The following RBPJ variants were observed in gnomAD, a reference collection of about 807,000 sequenced individuals.
RBPJ encodes recombination signal binding protein for immunoglobulin kappa J region.
A neutral mutation model predicts 67.8 loss-of-function variants in RBPJ; 9 were observed. The observed-to-expected ratio is 0.13, with a 90% CI of 0.08 to 0.23. The LOEUF is 0.23. Ranked by LOEUF, RBPJ falls within the 10% of genes least tolerant of loss-of-function variation. The pLI is 1.00. For synonymous variants in RBPJ, 198 were observed against 203.3 expected (o/e 0.97, Z 0.22); for missense variants, 305 against 595.6 (o/e 0.51, Z 5.08).
At chr4:26,195,123 C>A (rs1053495991) in intron 1 of RBPJ, among the ~76,000 whole-genome samples, 7 of 152,202 alleles carry the variant, frequency 4.6e-5, no homozygotes, top group Non-Finnish European at 7.3e-5. Flanking sequence ...GTAATCCCAA[C>A]ACTGGGAGGT....
At chr4:26,119,056 T>G in the RBPJ span, among the ~76,000 whole-genome samples, 3 of 152,220 alleles carry the variant, frequency 2.0e-5, no homozygotes, top group African/African-American at 7.2e-5. Flanking sequence ...ATTGCATTGA[T>G]CCGGGTCTCA....
At chr4:26,183,543 T>C (rs1432531861) in intron 1 of RBPJ, among the ~76,000 whole-genome samples, 2 of 152,240 alleles carry the variant, frequency 1.3e-5, no homozygotes, top group African/African-American at 2.4e-5. Context: ...TTCAGTTCTT[T>C]TGATGCTCCC....
At chr4:26,349,237 T>C (rs1303627068) in intron 1 of RBPJ, among the ~76,000 whole-genome samples, 1 of 151,896 alleles carries the variant, frequency 6.6e-6, no homozygotes, top group Non-Finnish European at 1.5e-5. Context: ...CTGGATAATG[T>C]TTTTAAAATT....
At chr4:26,151,861 G>C in the RBPJ span, among the ~76,000 whole-genome samples, 395 of 152,296 alleles carry the variant, frequency 2.6e-3, 3 homozygotes, top group African/African-American at 9.3e-3. Flanking sequence ...CTCCTGTCTG[G>C]AAAAGGTGGG....
At chr4:26,218,821 G>T (rs914699529) in intron 1 of RBPJ, among the ~76,000 whole-genome samples, 1 of 152,142 alleles carries the variant, frequency 6.6e-6, no homozygotes, top group Non-Finnish European at 1.5e-5. Context: ...GGTGGGGCAG[G>T]GAGGGCACAG....
chr4:26,134,401 TG>T, the RBPJ span, among the ~76,000 whole-genome samples: 134 of 152,362 alleles, frequency 8.8e-4, 1 homozygote, highest in Non-Finnish European at 8.1e-4. Flanking sequence ...TATTAAACCC[TG>T]GCTGGGACAC....
chr4:26,386,276 A>G (rs1560312865), intron 1 of RBPJ, 77 bp from the exon 2 acceptor site: 3 of 965,492 alleles, frequency 3.1e-6, no homozygotes, highest in East Asian at 2.5e-5. Context: ...AAGAGATTTT[A>G]TGATGCCTGA....
At chr4:26,353,689 A>C (rs1727044241) in intron 1 of RBPJ, among the ~76,000 whole-genome samples, 1 of 150,674 alleles carries the variant, frequency 6.6e-6, no homozygotes, top group African/African-American at 2.5e-5. Flanking sequence ...GCTCACTGCA[A>C]CCTCTGCCTC....
At chr4:26,308,268 T>G (rs1329601147) in intron 1 of RBPJ, among the ~76,000 whole-genome samples, 1 of 150,816 alleles carries the variant, frequency 6.6e-6, no homozygotes, top group Non-Finnish European at 1.5e-5. Context: ...AGAGCAAGAC[T>G]CCATCTCAAA....
At chr4:26,366,835 AT>A (rs1374545459) in intron 1 of RBPJ, among the ~76,000 whole-genome samples, 1 of 152,146 alleles carries the variant, frequency 6.6e-6, no homozygotes, top group Admixed American at 6.5e-5. Context: ...TTAAAAAAAA[AT>A]ACAAATAGGC....
intron 1 of RBPJ, among the ~76,000 whole-genome samples, chr4:26,369,885 TCTC>T (rs1223768263): frequency 3.3e-5 from 5 of 152,160 alleles, no homozygotes; most frequent in Non-Finnish European, 7.4e-5. Flanking sequence ...TTCTCTCTCT[TCTC>T]CTCCCATTCC....
At chr4:26,267,265 G>A (rs1234377480) in intron 1 of RBPJ, among the ~76,000 whole-genome samples, 1 of 152,160 alleles carries the variant, frequency 6.6e-6, no homozygotes, top group East Asian at 1.9e-4. Context: ...GCTTGGAGAT[G>A]GGACAAGGCT....
chr4:26,227,529 A>G (rs1719117727), intron 1 of RBPJ, among the ~76,000 whole-genome samples: 1 of 152,156 alleles, frequency 6.6e-6, no homozygotes, highest in Non-Finnish European at 1.5e-5. Context: ...GGGACTCTAT[A>G]TGAAGATCTA....
chr4:26,142,311 G>A, the RBPJ span, among the ~76,000 whole-genome samples: 1 of 152,218 alleles, frequency 6.6e-6, no homozygotes, highest in African/African-American at 2.4e-5. Flanking sequence ...CATAGCCCAG[G>A]ATGATATGCC....
At chr4:26,289,384 C>CAAAAAAAAA (rs60159669) in intron 1 of RBPJ, among the ~76,000 whole-genome samples, 20 of 78,294 alleles carry the variant, frequency 2.6e-4, no homozygotes, top group Non-Finnish European at 2.9e-4. Context: ...GACTTGGTCT[C>CAAAAAAAAA]AAAAAAAAAA....
intron 1 of RBPJ, among the ~76,000 whole-genome samples, chr4:26,178,453 T>G (rs1367918457): frequency 6.6e-6 from 1 of 151,888 alleles, no homozygotes; most frequent in Non-Finnish European, 1.5e-5. Context: ...CAAAAATTTT[T>G]TTTAATTAGC....
chr4:26,289,338 T>C (rs558181844), intron 1 of RBPJ, among the ~76,000 whole-genome samples: 2 of 124,414 alleles, frequency 1.6e-5, no homozygotes, highest in South Asian at 4.9e-4. Context: ...GGTATGCAGG[T>C]CAAACCACTG....
chr4:26,189,177 A>T (rs1311668049), intron 1 of RBPJ, among the ~76,000 whole-genome samples: 1 of 152,182 alleles, frequency 6.6e-6, no homozygotes, highest in Non-Finnish European at 1.5e-5. Flanking sequence ...TGATCATGCT[A>T]CTGTACTCCT....
intron 1 of RBPJ, among the ~76,000 whole-genome samples, chr4:26,254,105 C>T (rs1720213104): frequency 6.7e-6 from 1 of 148,708 alleles, no homozygotes. Flanking sequence ...CCCTCTACTG[C>T]CACCATCCTG....
Sources: gnomAD v4.1 joint callset for allele counts (sites outside exome capture counted in the v4.1 genomes callset) on GRCh38, gnomAD v4.1.1 for gene constraint, MANE v1.5 for transcripts, NCBI Gene and HGNC (gene_info 2026-07-23, HGNC 2026-07-21) for gene names.